ATAD5: variants seen among roughly 807,000 people sequenced by gnomAD.
The protein encoded by ATAD5 is ATPase family AAA domain-containing protein 5.
In ATAD5, 58 loss-of-function variants were observed where a neutral mutation model predicts 176.9. The ratio of observed to expected loss-of-function variants is 0.33; its 90% confidence interval spans 0.27 to 0.41. The LOEUF is 0.41. ATAD5 is among the 10% of genes least tolerant of loss of function. ATAD5 has a pLI of 1.00. For synonymous variants in ATAD5, 640 were observed against 712.6 expected (o/e 0.90, Z 1.62); for missense variants, 1,789 against 2,094.1 (o/e 0.85, Z 2.84).
At position 30,877,499 on chromosome 17, in the gene ATAD5, G is replaced by A. The variant is rs943989048; in HGVS notation, c.3868G>A (p.Ala1290Thr). 6.2e-7 allele frequency: 1 copy of A among 1,611,446 alleles called. No individual in the cohort carries two copies. Among genetic ancestry groups the A allele is most frequent in the African/African-American group, 1.3e-5 (1 of 74,808 alleles). Residue 1290 changes from alanine (A) to threonine (T), a missense_variant, in exon 16 of 23, where the codon GCT becomes ACT. Around this residue, in one of 6 missense-constraint regions of ATAD5, gnomAD observed 194 missense variants for 270.1 expected, o/e 0.72. Transcript: ENST00000321990. ...ATNSNVKDVG[A>T]EEPSRKNATS... is the part of the protein sequence containing the mutation. Reference sequence around the variant, plus strand: ...TAATTCAAATGTCAAAGACGTTGGAGCTGAAGAACCCAGCAGAAAAAATGC... The same window carrying A: ...TAATTCAAATGTCAAAGACGTTGGAACTGAAGAACCCAGCAGAAAAAATGC...
chr17:30,878,718 GTTTT>G (rs71142005), intron 17 of ATAD5, among the ~76,000 whole-genome samples: 771 of 56,590 alleles, frequency 0.014, 2 homozygotes, highest in African/African-American at 0.048. Flanking sequence ...GTTAGGTGGT[GTTTT>G]TTTTTTTTTT....
At chr17:30,874,032 G>A (rs1908500752) in intron 14 of ATAD5, among the ~76,000 whole-genome samples, 1 of 151,992 alleles carries the variant, frequency 6.6e-6, no homozygotes, top group Non-Finnish European at 1.5e-5. Context: ...AGGTGTGGTG[G>A]TGCACACCTG....
chr17:30,878,593 T>C (rs1008109298), intron 17 of ATAD5, among the ~76,000 whole-genome samples: 4 of 152,056 alleles, frequency 2.6e-5, no homozygotes, highest in African/African-American at 9.7e-5. Context: ...TATAATAATT[T>C]TCTAATATTT....
At chr17:30,885,822 A>G (rs1487315272) in intron 18 of ATAD5, among the ~76,000 whole-genome samples, 1 of 151,080 alleles carries the variant, frequency 6.6e-6, no homozygotes, top group African/African-American at 2.4e-5. Context: ...TTTAGTAGAG[A>G]TGGGGTTTTG....
At chr17:30,851,453 G>A (rs1293791839) in intron 6 of ATAD5, among the ~76,000 whole-genome samples, 7 of 146,992 alleles carry the variant, frequency 4.8e-5, no homozygotes, top group African/African-American at 1.3e-4. Flanking sequence ...CCGAGATCCC[G>A]CCACTGCACT....
Position 30,835,175 on chromosome 17 carries a change from A to G in ATAD5, c.1094A>G (p.Gln365Arg), listed in dbSNP as rs188425250. ...LSDPENEQTV[Q>R]KRKSNVVIQE... ...GATCCTGAGAATGAACAGACAGTTC[A>G]GAAAAGAAAATCTAATGTTGTTATA... The change falls in exon 2 of 23, where the codon CAG becomes CGG. Residue 365 changes from glutamine to arginine, a missense_variant. Coordinates refer to ENST00000321990, the MANE Select transcript of ATAD5 (RefSeq NM_024857.5). The G allele has an allele frequency of 6.9e-5, 111 of 1,613,952 alleles. No homozygotes were observed. Among genetic ancestry groups the G allele is most frequent in the Non-Finnish European group, 6.4e-5 (76 of 1,179,990 alleles).
At chr17:30,891,481 C>T (rs1046525780) in intron 19 of ATAD5, among the ~76,000 whole-genome samples, 3 of 151,984 alleles carry the variant, frequency 2.0e-5, no homozygotes, top group Non-Finnish European at 4.4e-5. Flanking sequence ...AAGTGATTCT[C>T]CTGCCTCAGC....
At chr17:30,844,151 C>A in intron 5 of ATAD5, 112 bp downstream of exon 5, 1 of 1,001,992 alleles carries the variant, frequency 1.0e-6, no homozygotes, top group Non-Finnish European at 1.3e-6. Flanking sequence ...ATTTTTGAGA[C>A]GGAGTCTCGC....
intron 4 of ATAD5, among the ~76,000 whole-genome samples, chr17:30,842,519 C>G (rs1391733131): frequency 1.3e-5 from 2 of 152,104 alleles, no homozygotes; most frequent in Non-Finnish European, 2.9e-5. Flanking sequence ...TGAATTTTGT[C>G]TGTGTATTCC....
chr17:30,865,458 C>G (rs1193816906), intron 10 of ATAD5, among the ~76,000 whole-genome samples: 3 of 152,102 alleles, frequency 2.0e-5, no homozygotes, highest in Non-Finnish European at 4.4e-5. Flanking sequence ...AGGCGTGAAC[C>G]ACCGCGCCTG....
intron 6 of ATAD5, 50 bp downstream of exon 6, chr17:30,844,966 T>C (rs770140482): frequency 7.7e-6 from 11 of 1,425,258 alleles, no homozygotes; most frequent in Non-Finnish European, 9.6e-6. Context: ...TAGAATGTAT[T>C]TGTATTGATG....
chr17:30,860,122 C>A (rs1907536994), intron 9 of ATAD5, among the ~76,000 whole-genome samples: 1 of 152,172 alleles, frequency 6.6e-6, no homozygotes, highest in African/African-American at 2.4e-5. Context: ...CTCCCGGGTT[C>A]ATGTGATCCT....
At chr17:30,833,503 A>T (rs1272065111) in intron 1 of ATAD5, among the ~76,000 whole-genome samples, 2 of 152,320 alleles carry the variant, frequency 1.3e-5, no homozygotes, top group Non-Finnish European at 2.9e-5. Flanking sequence ...AGTAAGTTAA[A>T]TTTTTTGAAA....
At chr17:30,867,445 A>G (rs929725328) in intron 11 of ATAD5, among the ~76,000 whole-genome samples, 1 of 152,162 alleles carries the variant, frequency 6.6e-6, no homozygotes, top group Admixed American at 6.6e-5. Flanking sequence ...CTCATAGATG[A>G]AGAAACCAAG....
At chr17:30,846,846 G>C (rs1030158122) in intron 6 of ATAD5, among the ~76,000 whole-genome samples, 2 of 151,176 alleles carry the variant, frequency 1.3e-5, no homozygotes, top group African/African-American at 4.9e-5. Context: ...TCAGCTTCCC[G>C]AGTAGCTGGG....
intron 6 of ATAD5, among the ~76,000 whole-genome samples, chr17:30,847,801 C>T (rs1043021978): frequency 1.4e-5 from 2 of 146,622 alleles, no homozygotes; most frequent in African/African-American, 5.1e-5. Context: ...CTCACTGTAA[C>T]CTCCGCCCCC....
At chr17:30,876,810 G>A (rs1908712741) in intron 15 of ATAD5, among the ~76,000 whole-genome samples, 1 of 146,058 alleles carries the variant, frequency 6.8e-6, no homozygotes, top group Non-Finnish European at 1.5e-5. Flanking sequence ...TCTTCCTCCT[G>A]GGTTCAAGCA....
At chr17:30,850,817 TTATATTTATATATTTTTATATA>T (rs1356299939) in intron 6 of ATAD5, among the ~76,000 whole-genome samples, 45 of 96,214 alleles carry the variant, frequency 4.7e-4, no homozygotes, top group African/African-American at 1.9e-3. Context: ...AAATTATTAT[TTATATTTATATATTTTTATATA>T]TATATATATA....
At chr17:30,856,149 G>A (rs886315846) in intron 7 of ATAD5, among the ~76,000 whole-genome samples, 3 of 152,168 alleles carry the variant, frequency 2.0e-5, no homozygotes, top group East Asian at 3.8e-4. Flanking sequence ...TGAGCAGAGA[G>A]GCAAGCACAG....
Sources: gnomAD v4.1 joint callset for allele counts (sites outside exome capture counted in the v4.1 genomes callset) on GRCh38, gnomAD v4.1.1 for gene constraint, gnomAD v4.1.1 regional missense constraint, MANE v1.5 for transcripts, NCBI Gene and HGNC (gene_info 2026-07-23, HGNC 2026-07-21) for gene names.